CELF2: variants seen among roughly 807,000 people sequenced by gnomAD.
CELF2 encodes CUGBP Elav-like family member 2.
CELF2 carries 8 observed loss-of-function variants against 62.6 expected under a neutral mutation model. The observed-to-expected ratio is 0.13, with a 90% CI of 0.07 to 0.23. The LOEUF is 0.23. Ranked by LOEUF, CELF2 falls within the 10% of genes least tolerant of loss-of-function variation. CELF2 has a pLI of 1.00. For missense variants in CELF2, 333 were observed against 671.0 expected (o/e 0.50, Z 5.56); for synonymous variants, 258 against 250.0 (o/e 1.03, Z -0.30).
At chr10:10,508,972 C>T in the CELF2 span, among the ~76,000 whole-genome samples, 1 of 152,180 alleles carries the variant, frequency 6.6e-6, no homozygotes, top group East Asian at 1.9e-4. Context: ...CTGCGCCCGG[C>T]CCAGATATAT....
At chr10:10,760,169 G>A in the CELF2 span, among the ~76,000 whole-genome samples, 1 of 152,188 alleles carries the variant, frequency 6.6e-6, no homozygotes, top group South Asian at 2.1e-4. Flanking sequence ...CTCCCAAAGT[G>A]CTGGGATTAT....
Position 11,155,460 on chromosome 10 carries a change from GA to G in CELF2, c.75-10022del, listed in dbSNP as rs2064160246. ...TTGAAATGCAGGTGATCAGGCTGTGGAAAACCAACATGAGAGATCTTGGAGG... is the reference window on the plus strand; with the variant it reads ...TTGAAATGCAGGTGATCAGGCTGTGGAAACCAACATGAGAGATCTTGGAGG... On this transcript the variant is annotated intron_variant, in intron 1 of 12. Transcript: ENST00000633077. 2.6e-5 allele frequency among the ~76,000 whole-genome samples: 4 copies of G among 152,250 alleles called. No homozygotes were observed. The South Asian group carries it at 8.3e-4, about 32-fold the overall frequency.
chr10:10,622,049 AC>A, the CELF2 span, among the ~76,000 whole-genome samples: 1 of 152,192 alleles, frequency 6.6e-6, no homozygotes, highest in Non-Finnish European at 1.5e-5. Flanking sequence ...ACTTTGTCAA[AC>A]CTGTGTGGGT....
At chr10:10,617,431 C>G in the CELF2 span, among the ~76,000 whole-genome samples, 2 of 152,052 alleles carry the variant, frequency 1.3e-5, no homozygotes, top group Admixed American at 1.3e-4. Flanking sequence ...GTTCACAGCT[C>G]AGGTTCAGCA....
At chr10:10,924,906 G>A (rs1035821015) in intron 2 of CELF2, 4 of 152,108 alleles carry the variant, frequency 2.6e-5, no homozygotes, top group African/African-American at 9.7e-5. Context: ...GCCGTTATAT[G>A]CCGTTTTGCG....
chr10:10,623,164 G>A, the CELF2 span, among the ~76,000 whole-genome samples: 2 of 148,786 alleles, frequency 1.3e-5, no homozygotes, highest in Non-Finnish European at 3.0e-5. Context: ...GGCAGCCTGT[G>A]GAATCTATGC....
chr10:10,810,578 G>T (rs7080179), intron 1 of CELF2, among the ~76,000 whole-genome samples: 68,199 of 151,846 alleles, frequency 0.45, 15,706 homozygotes, highest in African/African-American at 0.58. Context: ...GCAGAGGGAA[G>T]AGAGAAGAGG....
intron 1 of CELF2, among the ~76,000 whole-genome samples, chr10:11,053,490 C>T (rs1380894349): frequency 2.6e-5 from 4 of 151,794 alleles, no homozygotes; most frequent in African/African-American, 9.7e-5. Flanking sequence ...TTCTCTTTAA[C>T]TCTTCCATTT....
chr10:10,796,905 T>C (rs932177780), upstream of CELF2: 3 of 984,986 alleles, frequency 3.0e-6, no homozygotes, highest in Admixed American at 1.2e-4. Flanking sequence ...TTGTACGAGG[T>C]ATGAAATTCT....
Position 11,156,306 on chromosome 10 carries a change from G to A in CELF2, c.75-9180G>A, listed in dbSNP as rs1209257186. Among the ~76,000 whole-genome samples the A allele has an allele frequency of 6.6e-6, 1 of 152,138 alleles. No homozygotes were observed. The highest frequency in any genetic ancestry group is 1.5e-5 in the Non-Finnish European group (1 of 68,022). ...ATAGTGGCGACAGATCACATGACGT[G>A]TGATTTAATTTTACTGCTTTGAAGA... is the stretch of plus-strand genomic sequence containing the variant. On this transcript the variant is annotated intron_variant, in intron 1 of 12. Coordinates refer to ENST00000633077, the MANE Select transcript of CELF2 (RefSeq NM_001326342.2). This position sits in a 1 kb window ranked among gnomAD's most constrained non-coding sequence, Gnocchi z 4.3.
chr10:11,089,676 G>A (rs1329362128), intron 1 of CELF2, among the ~76,000 whole-genome samples: 1 of 152,162 alleles, frequency 6.6e-6, no homozygotes, highest in Non-Finnish European at 1.5e-5. Context: ...GAAGGCATGA[G>A]AGGTATATCC....
At chr10:10,937,121 CTTTTTTTTTTTTTT>C (rs373143426) in intron 2 of CELF2, among the ~76,000 whole-genome samples, 1 of 90,538 alleles carries the variant, frequency 1.1e-5, no homozygotes, top group Non-Finnish European at 2.0e-5. Flanking sequence ...TTTTTCTTTT[CTTTTTTTTTTTTTT>C]TTTTTTTTCG....
At chr10:10,674,683 G>A in the CELF2 span, among the ~76,000 whole-genome samples, 1 of 152,034 alleles carries the variant, frequency 6.6e-6, no homozygotes, top group Non-Finnish European at 1.5e-5. Context: ...TAGAAGATTA[G>A]TTATACTTTT....
chr10:10,937,017 A>C (rs2046470993), intron 2 of CELF2, among the ~76,000 whole-genome samples: 1 of 152,188 alleles, frequency 6.6e-6, no homozygotes, highest in African/African-American at 2.4e-5. Context: ...CCGGAGCTTT[A>C]AGAATTTGAT....
In CELF2 at chr10:11,223,906, C is replaced by G. The variant is rs2065667163; in HGVS notation, c.354+6399C>G. Among the ~76,000 whole-genome samples the G allele has an allele frequency of 1.3e-5, 2 of 152,078 alleles. No individual in the cohort carries two copies. The highest frequency in any genetic ancestry group is 4.8e-5 in the African/African-American group (2 of 41,406). On this transcript the variant is annotated intron_variant, in intron 3 of 12. Transcript: ENST00000633077. This position sits in a 1 kb window ranked among gnomAD's most constrained non-coding sequence, Gnocchi z 5.1. ...TTAATAAAAGGCCATTACAAATTGT[C>G]TATTTCACCCGCCATAAAGTTTTAC...
the CELF2 span, among the ~76,000 whole-genome samples, chr10:10,706,116 C>G: frequency 7.2e-3 from 1,104 of 152,318 alleles, 17 homozygotes; most frequent in African/African-American, 0.025. Context: ...CCTTCTCACT[C>G]CATCCCTGAC....
At chr10:10,615,202 T>C in the CELF2 span, among the ~76,000 whole-genome samples, 2 of 152,138 alleles carry the variant, frequency 1.3e-5, no homozygotes, top group East Asian at 3.9e-4. Flanking sequence ...GTAAGACATG[T>C]ATGAAAGTCC....
At chr10:11,274,733 T>C (rs1474415651) in intron 7 of CELF2, among the ~76,000 whole-genome samples, 1 of 152,200 alleles carries the variant, frequency 6.6e-6, no homozygotes, top group Admixed American at 6.5e-5. Flanking sequence ...AGAGATGAGT[T>C]ACGGTAACTG....
chr10:11,143,686 C>T lies in CELF2; in HGVS notation c.75-21800C>T, dbSNP rs548834400. Among the ~76,000 whole-genome samples the T allele has an allele frequency of 5.3e-5, 8 of 152,312 alleles. No individual in the cohort carries two copies. In the South Asian group the frequency reaches 1.0e-3, roughly 20 times the overall value. ...GCCCTGCAATATTTTATGCTTATTT[C>T]GCTATTTCAAAATGGCTACCAAAGG... is the stretch of plus-strand genomic sequence containing the variant. On this transcript the variant is annotated intron_variant, in intron 1 of 12. Transcript: ENST00000633077.
Sources: allele counts gnomAD v4.1 joint callset (sites outside exome capture counted in the v4.1 genomes callset), GRCh38; gene constraint gnomAD v4.1.1; non-coding constraint Gnocchi (gnomAD v3.1); transcripts MANE v1.5; gene names NCBI Gene and HGNC (gene_info 2026-07-23, HGNC 2026-07-21).